The following EMC3 variants were observed in gnomAD, a reference collection of about 807,000 sequenced individuals.
EMC3 encodes ER membrane protein complex subunit 3, also known as 30 kDa protein.
EMC3 carries 13 observed loss-of-function variants against 36.6 expected under a neutral mutation model. The observed-to-expected ratio is 0.35, with a 90% CI of 0.23 to 0.56. The LOEUF is 0.56. EMC3 is among the 20% of genes least tolerant of loss of function. EMC3 has a pLI of 0.84. For synonymous variants in EMC3, 120 were observed against 111.9 expected, an observed-to-expected ratio of 1.07 and a Z score of -0.46; for missense variants, 220 against 324.5, an observed-to-expected ratio of 0.68 and a Z score of 2.47.
intron 1 of EMC3, among the ~76,000 whole-genome samples, chr3:9,996,234 T>A (rs1190726236): frequency 6.6e-6 from 1 of 152,096 alleles, no homozygotes; most frequent in African/African-American, 2.4e-5. Context: ...ACATGTGCCC[T>A]GGAGTTTGAG....
exon 1 of EMC3, chr3:10,011,103 C>T (rs1165785460): frequency 6.6e-6 from 1 of 152,440 alleles, no homozygotes; most frequent in Non-Finnish European, 1.5e-5. Flanking sequence ...TGTGTTGGGG[C>T]AGCAGCGCCT....
At chr3:9,995,395 T>A (rs73120382) in intron 1 of EMC3, among the ~76,000 whole-genome samples, 2 of 124,912 alleles carry the variant, frequency 1.6e-5, no homozygotes, top group East Asian at 4.4e-4. Context: ...CAGGAGGGCT[T>A]AGGTAGAGCT....
intron 1 of EMC3, among the ~76,000 whole-genome samples, chr3:9,978,548 G>C (rs575100682): frequency 6.6e-6 from 1 of 151,918 alleles, no homozygotes. Context: ...GTGCTTGGTA[G>C]GGGCCAGGCG....
rs202224332 is a variant in EMC3, at chr3:9,964,031, A to T, written c.*38T>A. The T allele has an allele frequency of 2.1e-3, 3,388 of 1,610,090 alleles. 10 individuals carry two copies. The highest frequency in any genetic ancestry group is 2.7e-3 in the Non-Finnish European group (3,239 of 1,178,186). On this transcript the variant is annotated 3_prime_UTR_variant, in exon 8 of 8. Coordinates refer to ENST00000245046, the MANE Select transcript of EMC3 (RefSeq NM_001394674.1). Reference sequence around the variant, plus strand: ...AAACAAAGTTACAAGGTTAAGTGCAACTCCAAGTTCCTGACACAGCTAATC... The same window carrying T: ...AAACAAAGTTACAAGGTTAAGTGCATCTCCAAGTTCCTGACACAGCTAATC...
In EMC3 at chr3:9,977,562, T is replaced by C. The variant is rs1333897253; in HGVS notation, c.156-116A>G. 9.7e-6 allele frequency: 8 copies of C among 825,768 alleles called. No individual in the cohort carries two copies. In the East Asian group the frequency reaches 1.8e-4, roughly 19 times the overall value. 51.2% of individuals were successfully genotyped at this position (825,768 alleles called of 1,614,324 possible). ...GAGAGGGCCTATTTGGCAACAGCTC[T>C]GTGTGGAAACTTCCCAAAATACAAG... On this transcript the variant is annotated intron_variant, in intron 1 of 7. Transcript: ENST00000245046.
chr3:10,003,280 A>G (rs1321004041), intron 1 of EMC3: 4 of 452,472 alleles, frequency 8.8e-6, no homozygotes, highest in Admixed American at 4.8e-5. Flanking sequence ...AGCCTTGCCA[A>G]TAAGGAGGCT....
upstream of EMC3, among the ~76,000 whole-genome samples, chr3:9,989,090 T>C (rs1361841258): frequency 6.6e-6 from 1 of 152,216 alleles, no homozygotes; most frequent in East Asian, 1.9e-4. Flanking sequence ...TATATCTGCC[T>C]AATTGCCCTT....
intron 1 of EMC3, among the ~76,000 whole-genome samples, chr3:9,982,721 T>G (rs1056836053): frequency 3.3e-5 from 5 of 151,910 alleles, no homozygotes; most frequent in African/African-American, 1.2e-4. Context: ...ACCCCATCTT[T>G]GCAAAAAATT....
At chr3:9,966,003 C>T (rs1270502395) in intron 7 of EMC3, among the ~76,000 whole-genome samples, 2 of 152,182 alleles carry the variant, frequency 1.3e-5, no homozygotes, top group Non-Finnish European at 2.9e-5. Context: ...TGTGGACATA[C>T]ATTTTCAGTT....
chr3:10,008,436 T>C, intron 1 of EMC3: 3 of 1,367,726 alleles, frequency 2.2e-6, no homozygotes, highest in Non-Finnish European at 2.9e-6. Flanking sequence ...CAACCTTGGC[T>C]TGTTCATCTC....
chr3:9,970,800 C>T lies in EMC3; in HGVS notation c.495-139G>A, dbSNP rs970836464. On this transcript the variant is annotated intron_variant, in intron 5 of 7. Transcript: ENST00000245046. ...GGGCTATATTCATCCAAAGCACAAC[C>T]ACAGAAGAAATACAAGTTGTTAAAG... The T allele has an allele frequency of 8.3e-6, 6 of 727,182 alleles. No individual in the cohort carries two copies. In the African/African-American group the frequency reaches 8.8e-5, roughly 11 times the overall value. 45.0% of individuals were successfully genotyped at this position (727,182 alleles called of 1,614,324 possible). A position where few individuals can be genotyped will look rare whatever the true frequency, so the allele number is the denominator to read the frequency against.
chr3:9,997,556 T>C (rs2086142321), intron 1 of EMC3, among the ~76,000 whole-genome samples: 1 of 152,136 alleles, frequency 6.6e-6, no homozygotes. Flanking sequence ...GCCTCCTGGG[T>C]TCAAGCAATT....
intron 2 of EMC3, 55 bp downstream of exon 2, chr3:9,977,334 T>C: frequency 6.6e-7 from 1 of 1,512,834 alleles, no homozygotes; most frequent in African/African-American, 1.4e-5. Context: ...AACATTCAGA[T>C]ATCTACTGCC....
At position 9,998,207 on chromosome 3, in the gene EMC3, A is replaced by G. The variant is rs573935086; in HGVS notation, c.-241-11305T>C. On this transcript the variant is annotated intron_variant, in intron 1 of 8. Coordinates refer to the EMC3 transcript ENST00000470827. ...TGGTGAAACCCCGTCTCTACTAAAA[A>G]TACAAAAAATTAGCTAGGCGTGGTG... 2.0e-5 allele frequency among the ~76,000 whole-genome samples: 3 copies of G among 151,854 alleles called. No individual in the cohort carries two copies. In the East Asian group the frequency reaches 5.8e-4, roughly 29 times the overall value.
upstream of EMC3, chr3:9,986,992 G>GA (rs1045895232): frequency 7.3e-6 from 8 of 1,090,916 alleles, no homozygotes; most frequent in Admixed American, 3.7e-4. Flanking sequence ...AAGGTGGGGG[G>GA]ATCACGAGGT....
intron 1 of EMC3, chr3:10,003,168 C>T: frequency 6.6e-6 from 3 of 456,748 alleles, no homozygotes; most frequent in Non-Finnish European, 1.3e-5. Context: ...CCACCAAGAG[C>T]ACCAGTAGCA....
At chr3:9,976,860 C>T (rs2085855424) in intron 3 of EMC3, 97 bp downstream of exon 3, 1 of 806,264 alleles carries the variant, frequency 1.2e-6, no homozygotes, top group East Asian at 2.4e-5. Flanking sequence ...TGCAATTTAA[C>T]ATTTAAATAA....
At chr3:9,971,488 C>T (rs2085784648) in intron 5 of EMC3, among the ~76,000 whole-genome samples, 1 of 152,232 alleles carries the variant, frequency 6.6e-6, no homozygotes, top group South Asian at 2.1e-4. Context: ...ATTCTGGTTA[C>T]TCCATAGGCT....
Position 9,976,948 on chromosome 3 carries a change from C to T in EMC3, c.307+9G>A, listed in dbSNP as rs1359309997. On this transcript the variant is annotated intron_variant, in intron 3 of 7. Transcript: ENST00000245046. ...CTTCCTTAAAGATGAGTGAAGGGAACAAACATACCAGTCATAGGAGAAGGT... is the reference window on the plus strand; with the variant it reads ...CTTCCTTAAAGATGAGTGAAGGGAATAAACATACCAGTCATAGGAGAAGGT... 1.9e-6 allele frequency: 3 copies of T among 1,599,764 alleles called. No homozygotes were observed. The highest frequency in any genetic ancestry group is 2.6e-6 in the Non-Finnish European group (3 of 1,172,900).
Sources: allele counts gnomAD v4.1 joint callset (sites outside exome capture counted in the v4.1 genomes callset), GRCh38; gene constraint gnomAD v4.1.1; transcripts MANE v1.5; gene names NCBI Gene and HGNC (gene_info 2026-07-23, HGNC 2026-07-21).